Variants in RBFOX1 observed in about 807,000 individuals in gnomAD.
RBFOX1 encodes RNA binding protein fox-1 homolog 1.
Under a neutral mutation model 57.7 loss-of-function variants are expected in RBFOX1, and 8 were observed. The observed-to-expected ratio is 0.14, with a 90% confidence interval of 0.08 to 0.25. RBFOX1 has a LOEUF of 0.25. Among genes scored for constraint, RBFOX1 ranks in the 10% least tolerant of loss-of-function variants. The pLI is 1.00. For synonymous variants in RBFOX1, 326 were observed against 222.4 expected, an observed-to-expected ratio of 1.47 and a Z score of -4.15; for missense variants, 611 against 548.5, an observed-to-expected ratio of 1.11 and a Z score of -1.14.
intron 2 of RBFOX1, among the ~76,000 whole-genome samples, chr16:6,429,899 A>G (rs1388916833): frequency 6.6e-6 from 1 of 152,168 alleles, no homozygotes; most frequent in Non-Finnish European, 1.5e-5. Flanking sequence ...ACCTGAGGTC[A>G]GGAGTTCAAG....
chr16:5,920,430 T>C (rs947253443), intron 4 of RBFOX1, among the ~76,000 whole-genome samples: 2 of 152,212 alleles, frequency 1.3e-5, no homozygotes, highest in Non-Finnish European at 2.9e-5. Context: ...AAGGGTCTGT[T>C]TGGGGACCTG....
chr16:6,519,138 A>C (rs1234364231), intron 2 of RBFOX1, among the ~76,000 whole-genome samples: 2 of 152,032 alleles, frequency 1.3e-5, no homozygotes, highest in African/African-American at 4.8e-5. Context: ...CAAGCCAGCC[A>C]AATGTCTCTG....
chr16:5,482,876 T>C (rs1393853837), intron 2 of RBFOX1, among the ~76,000 whole-genome samples: 4 of 152,166 alleles, frequency 2.6e-5, no homozygotes, highest in Admixed American at 2.6e-4. Context: ...AGGGGATATT[T>C]TCAAGATCCT....
intron 3 of RBFOX1, among the ~76,000 whole-genome samples, chr16:5,851,744 G>A (rs1003638644): frequency 6.6e-6 from 1 of 152,206 alleles, no homozygotes; most frequent in Non-Finnish European, 1.5e-5. Context: ...CTTTTAAAAA[G>A]AGTCATTGTT....
chr16:5,572,866 A>C (rs2046329102), intron 2 of RBFOX1, among the ~76,000 whole-genome samples: 1 of 152,172 alleles, frequency 6.6e-6, no homozygotes, highest in Admixed American at 6.5e-5. Context: ...AGGCAAAGGT[A>C]CTCAGGGTTG....
chr16:6,271,629 C>G (rs1028972048), intron 1 of RBFOX1, among the ~76,000 whole-genome samples: 2 of 152,106 alleles, frequency 1.3e-5, no homozygotes, highest in Non-Finnish European at 2.9e-5. Flanking sequence ...TCACTACAGA[C>G]TTTGCAGATG....
chr16:7,308,297 G>GTTT (rs34533950), intron 4 of RBFOX1, among the ~76,000 whole-genome samples: 11,611 of 144,514 alleles, frequency 0.08, 631 homozygotes, highest in Admixed American at 0.15. Context: ...ACCCAGAGCT[G>GTTT]TTTTTTTTTT....
rs148868868 is a variant in RBFOX1 at position 6,684,532 on chromosome 16, A to G, written c.-16+29882A>G. ...CATCTTAGAAATTGCTGCAGTGGAA[A>G]CAGGCATGGAGCTATCAATTACTTC... On this transcript the variant is annotated intron_variant, in intron 3 of 15. Transcript: ENST00000550418. Among the ~76,000 whole-genome samples the G allele has an allele frequency of 3.3e-4, 50 of 152,278 alleles. 1 individual carries two copies. The highest frequency in any genetic ancestry group is 1.2e-3 in the African/African-American group (49 of 41,560).
chr16:5,783,729 C>T (rs2054402105), intron 3 of RBFOX1, among the ~76,000 whole-genome samples: 1 of 152,166 alleles, frequency 6.6e-6, no homozygotes, highest in African/African-American at 2.4e-5. Flanking sequence ...TTCCAGCCTG[C>T]TGATGTGCCA....
rs545083604 is a variant in RBFOX1, at chr16:7,216,211, T to G, written c.27+164113T>G. Among the ~76,000 whole-genome samples the G allele has an allele frequency of 9.2e-5, 14 of 152,336 alleles. 1 individual carries two copies. In the East Asian group the frequency reaches 2.7e-3, roughly 29 times the overall value. On this transcript the variant is annotated intron_variant, in intron 4 of 15. Coordinates refer to ENST00000550418, the MANE Select transcript of RBFOX1 (RefSeq NM_018723.4). Reference sequence around the variant, plus strand: ...TAGATAATTGGGTTGTTTCCACTTATTGGCTATTGTGAATCATGCCACTAT... The same window carrying G: ...TAGATAATTGGGTTGTTTCCACTTAGTGGCTATTGTGAATCATGCCACTAT...
intron 2 of RBFOX1, among the ~76,000 whole-genome samples, chr16:6,641,651 C>T (rs1462973558): frequency 6.7e-6 from 1 of 148,496 alleles, no homozygotes; most frequent in Non-Finnish European, 1.5e-5. Context: ...GGGAGAATCA[C>T]TTGAACCTGG....
chr16:6,058,493 TTGA>T (rs2095642132), intron 1 of RBFOX1, among the ~76,000 whole-genome samples: 1 of 152,214 alleles, frequency 6.6e-6, no homozygotes, highest in African/African-American at 2.4e-5. Context: ...TATAACATTC[TTGA>T]TGACATCGAA....
chr16:5,521,154 G>A (rs1029454819), intron 2 of RBFOX1, among the ~76,000 whole-genome samples: 6 of 152,104 alleles, frequency 3.9e-5, no homozygotes, highest in Non-Finnish European at 7.4e-5. Context: ...TCCAACCCTT[G>A]CAGCTGAAAG....
chr16:6,073,244 A>G (rs2095857897), intron 1 of RBFOX1, among the ~76,000 whole-genome samples: 1 of 152,204 alleles, frequency 6.6e-6, no homozygotes, highest in African/African-American at 2.4e-5. Context: ...CACAGCATGC[A>G]TATTTAAGAC....
chr16:7,371,576 C>T (rs939816990), intron 4 of RBFOX1, among the ~76,000 whole-genome samples: 2 of 152,042 alleles, frequency 1.3e-5, no homozygotes, highest in East Asian at 3.9e-4. Context: ...ATGGTGAAAC[C>T]CTGTCTCTAC....
chr16:5,538,837 A>G (rs1330979614), intron 2 of RBFOX1, among the ~76,000 whole-genome samples: 1 of 152,098 alleles, frequency 6.6e-6, no homozygotes, highest in Non-Finnish European at 1.5e-5. Flanking sequence ...TGTGTTAGCC[A>G]TGATGTTCTC....
rs149492623 is a variant in RBFOX1 at position 6,675,494 on chromosome 16, G to C, written c.-16+20844G>C. ...AGTGACAAAGCCCTGGGCTTGGTCA[G>C]GCTTGCATCCTGTGTTCATTGCTGA... On this transcript the variant is annotated intron_variant, in intron 3 of 15. Coordinates refer to ENST00000550418, the MANE Select transcript of RBFOX1 (RefSeq NM_018723.4). Among the ~76,000 whole-genome samples, 68 of 152,282 alleles carry C rather than the reference G, an allele frequency of 4.5e-4. 1 individual carries two copies. The highest frequency in any genetic ancestry group is 4.4e-3 in the East Asian group (23 of 5,174).
chr16:7,710,865 TAAAAAGGA>T lies in RBFOX1; in HGVS notation c.*126_*133del. On this transcript the variant is annotated 3_prime_UTR_variant, in exon 16 of 16. Coordinates refer to ENST00000550418, the MANE Select transcript of RBFOX1 (RefSeq NM_018723.4). Reference sequence around the variant, plus strand: ...ACTCTAAAAAAAAAAAAAATACAAATAAAAAGGAAAAAAAATTACATTTTTTATCTTAT... The same window carrying T: ...ACTCTAAAAAAAAAAAAAATACAAATAAAAAAATTACATTTTTTATCTTAT... 9.7e-7 allele frequency: 1 copy of T among 1,027,610 alleles called. No homozygotes were observed. The highest frequency in any genetic ancestry group is 1.3e-6 in the Non-Finnish European group (1 of 781,130). 63.7% of individuals were successfully genotyped at this position (1,027,610 alleles called of 1,614,324 possible).
chr16:6,493,691 C>G lies in RBFOX1; in HGVS notation c.-63-160912C>G, dbSNP rs565929557. 2.6e-5 allele frequency among the ~76,000 whole-genome samples: 4 copies of G among 152,262 alleles called. No individual in the cohort carries two copies. In the South Asian group the frequency reaches 6.2e-4, roughly 24 times the overall value. On this transcript the variant is annotated intron_variant, in intron 2 of 15. Coordinates refer to ENST00000550418, the MANE Select transcript of RBFOX1 (RefSeq NM_018723.4). ...GCAGATAAAATATTTTTATCTCAAA[C>G]TGAACTTCATACCTTGGGAGATTCA...
Sources: gnomAD v4.1 joint callset for allele counts (sites outside exome capture counted in the v4.1 genomes callset) on GRCh38, gnomAD v4.1.1 for gene constraint, MANE v1.5 for transcripts, NCBI Gene and HGNC (gene_info 2026-07-23, HGNC 2026-07-21) for gene names.